The following CRYBG3 variants were observed in gnomAD, a reference collection of about 807,000 sequenced individuals.
CRYBG3 encodes the protein very large A-kinase anchor protein.
A neutral mutation model predicts 244.2 loss-of-function variants in CRYBG3; 127 were observed. The ratio of observed to expected loss-of-function variants is 0.52; its 90% CI spans 0.45 to 0.60. The LOEUF (loss-of-function observed/expected upper bound fraction) is 0.60, where lower values mean the gene tolerates loss of function less well. Among genes scored for constraint, CRYBG3 ranks in the 20% least tolerant of loss-of-function variants. The pLI, the probability that CRYBG3 is intolerant of heterozygous loss-of-function variation, is 0.00. For missense variants in CRYBG3, 3,325 were observed against 3,442.5 expected (o/e 0.97, Z 0.85); for synonymous variants, 1,132 against 1,195.8 (o/e 0.95, Z 1.10).
At chr3:97,907,667 A>G (rs973054418) in intron 15 of CRYBG3, among the ~76,000 whole-genome samples, 1 of 150,128 alleles carries the variant, frequency 6.7e-6, no homozygotes, top group South Asian at 2.1e-4. Context: ...CTAGCGGTCT[A>G]TCAATTTTGT....
At chr3:97,922,642 C>G (rs1431068355) in intron 17 of CRYBG3, among the ~76,000 whole-genome samples, 1 of 152,120 alleles carries the variant, frequency 6.6e-6, no homozygotes, top group Non-Finnish European at 1.5e-5. Context: ...AGTGAGATAC[C>G]ATCTCACACC....
chr3:97,904,602 A>C (rs546115214), intron 15 of CRYBG3, among the ~76,000 whole-genome samples: 4 of 152,154 alleles, frequency 2.6e-5, no homozygotes, highest in South Asian at 2.1e-4. Flanking sequence ...ACTAATAAAC[A>C]AACTGGGAAT....
chr3:97,882,086 G>A (rs1023523496), intron 7 of CRYBG3, among the ~76,000 whole-genome samples: 26 of 151,976 alleles, frequency 1.7e-4, no homozygotes, highest in African/African-American at 6.0e-4. Flanking sequence ...GTGGGCAGCT[G>A]TAATCCCAGC....
intron 2 of CRYBG3, among the ~76,000 whole-genome samples, chr3:97,846,703 G>A (rs146295005): frequency 7.2e-4 from 110 of 152,226 alleles, no homozygotes; most frequent in African/African-American, 2.5e-3. Context: ...GCCTTAAGTG[G>A]TTCCTAGTGT....
Position 97,873,146 on chromosome 3 carries a change from A to T in CRYBG3, c.1952A>T (p.Asn651Ile), listed in dbSNP as rs180695872. 6.5e-7 allele frequency: 1 copy of T among 1,535,646 alleles called. No individual in the cohort carries two copies. The highest frequency in any genetic ancestry group is 1.4e-5 in the African/African-American group (1 of 73,032). Residue 651 changes from asparagine (N) to isoleucine (I), a missense_variant, in exon 4 of 22, where the codon AAT (asparagine) becomes ATT (isoleucine). Around this residue, in one of 4 missense-constraint regions of CRYBG3, gnomAD observed 1,526 missense variants for 1,443.2 expected, o/e 1.06. Transcript: ENST00000389622. The part of the protein sequence containing the change: ...TSLSLDCKKL[N>I]FSISPPTFVS... ...CTTAGCCTTGACTGTAAAAAACTAA[A>T]TTTCAGTATTTCACCTCCTACCTTT...
chr3:97,822,377 G>T (rs1301593721), intron 1 of CRYBG3, 22 bp downstream of exon 1: 2 of 1,489,002 alleles, frequency 1.3e-6, no homozygotes, highest in African/African-American at 2.8e-5. Flanking sequence ...GGAGGGGGTC[G>T]CGGGGGGGCC....
At chr3:97,900,406 C>CAACT (rs5851085) in intron 14 of CRYBG3, 47 bp from the exon 15 acceptor site, 1 of 1,294,076 alleles carries the variant, frequency 7.7e-7, no homozygotes, top group Non-Finnish European at 1.1e-6. Flanking sequence ...TTCAAAAAGA[C>CAACT]AGATTATGTG....
intron 1 of CRYBG3, among the ~76,000 whole-genome samples, chr3:97,835,074 A>T (rs1417247881): frequency 6.6e-6 from 1 of 152,060 alleles, no homozygotes; most frequent in Admixed American, 6.6e-5. Context: ...TGGAACTTGA[A>T]TTTTTTTCAC....
In CRYBG3 at chr3:97,874,271, C is replaced by G. The variant is rs2039343516; in HGVS notation, c.3077C>G (p.Ser1026Ter). 1 of 1,534,910 alleles carries G rather than the reference C, an allele frequency of 6.5e-7. No individual in the cohort carries two copies. Among genetic ancestry groups the G allele is most frequent in the Non-Finnish European group, 8.7e-7 (1 of 1,146,620 alleles). The change falls in exon 4 of 22, where the codon TCA (serine) becomes TGA (stop). Residue 1026 changes from serine to a stop codon, truncating the protein, a stop_gained. Transcript: ENST00000389622. LOFTEE classifies it high-confidence loss of function. ...AAAAATTCTTCTGCATCTGAGGACT[C>G]AAGCTTCCTTAAAGTACCTTCTGTG... is the stretch of plus-strand genomic sequence containing the variant. ...LEKNSSASED[S>*]SFLKVPSVLK...
chr3:97,824,956 G>A (rs2038559069), intron 1 of CRYBG3, among the ~76,000 whole-genome samples: 1 of 152,158 alleles, frequency 6.6e-6, no homozygotes, highest in Admixed American at 6.5e-5. Context: ...GTGCTTCCTG[G>A]TAGGGATGAT....
intron 1 of CRYBG3, among the ~76,000 whole-genome samples, chr3:97,835,407 G>A (rs1299308960): frequency 1.3e-5 from 2 of 152,054 alleles, no homozygotes; most frequent in Non-Finnish European, 2.9e-5. Context: ...ATGATATCCG[G>A]GAGTTGGGCA....
chr3:97,924,248 C>A, intron 17 of CRYBG3: 2 of 322,766 alleles, frequency 6.2e-6, no homozygotes, highest in Non-Finnish European at 5.9e-6. Flanking sequence ...AGTTAGAATC[C>A]TACTTTACTC....
chr3:97,942,409 T>G lies in CRYBG3; in HGVS notation c.8790T>G (p.Ser2930=). 6.2e-7 allele frequency: 1 copy of G among 1,611,532 alleles called. No individual in the cohort carries two copies. Among genetic ancestry groups the G allele is most frequent in the Non-Finnish European group, 8.5e-7 (1 of 1,178,310 alleles). ...WRLNKNGTIS[S]YLSDQLVLDV... is the part of the protein sequence containing the mutation. ...TGAATAAAAATGGAACTATCAGCTC[T>G]TATCTCAGTGATCAACTTGTCCTTG... Residue 2930 remains serine, a synonymous_variant, in exon 21 of 22, where the codon TCT becomes TCG. Coordinates refer to ENST00000389622, the MANE Select transcript of CRYBG3 (RefSeq NM_153605.4).
At chr3:97,843,577 C>T (rs1247274234) in intron 2 of CRYBG3, among the ~76,000 whole-genome samples, 1 of 152,118 alleles carries the variant, frequency 6.6e-6, no homozygotes, top group Non-Finnish European at 1.5e-5. Flanking sequence ...CACATGACCT[C>T]CATGGTCTCT....
At chr3:97,907,516 T>G (rs556111991) in intron 15 of CRYBG3, among the ~76,000 whole-genome samples, 2 of 150,448 alleles carry the variant, frequency 1.3e-5, no homozygotes, top group Admixed American at 1.3e-4. Flanking sequence ...TCTTCTAGAT[T>G]TTCTAGTTTA....
At chr3:97,843,350 T>G (rs993043184) in intron 2 of CRYBG3, 89 bp downstream of exon 2, 2 of 760,232 alleles carry the variant, frequency 2.6e-6, no homozygotes, top group African/African-American at 3.5e-5. Flanking sequence ...TATTTTACAT[T>G]TCAAAAAGAA....
Position 97,873,670 on chromosome 3 carries a change from G to C in CRYBG3, c.2476G>C (p.Val826Leu). ...AEIDGQNNVL[V>L]ESHSGRGKTI... The stretch of plus-strand genomic sequence containing the variant: ...AATTGATGGTCAGAACAATGTTCTT[G>C]TGGAGTCACATTCTGGAAGAGGAAA... Residue 826 changes from valine (V) to leucine (L), a missense_variant, in exon 4 of 22, where the codon GTG (valine) becomes CTG (leucine). Val to Leu is a conservative substitution (Grantham distance 32). Transcript: ENST00000389622. 1 of 1,535,696 alleles carries C rather than the reference G, an allele frequency of 6.5e-7. No individual in the cohort carries two copies.
chr3:97,834,382 C>T (rs1331263195), intron 1 of CRYBG3, among the ~76,000 whole-genome samples: 1 of 151,998 alleles, frequency 6.6e-6, no homozygotes, highest in East Asian at 1.9e-4. Flanking sequence ...GGTGGTCTCA[C>T]CAATATTTGT....
chr3:97,869,201 T>C (rs998487263), intron 3 of CRYBG3, among the ~76,000 whole-genome samples: 1 of 152,202 alleles, frequency 6.6e-6, no homozygotes, highest in Non-Finnish European at 1.5e-5. Context: ...TGTTTTGTTT[T>C]ATTTTTATAT....
Sources: gnomAD v4.1 joint callset for allele counts (sites outside exome capture counted in the v4.1 genomes callset) on GRCh38, gnomAD v4.1.1 for gene constraint, gnomAD v4.1.1 regional missense constraint, MANE v1.5 for transcripts, NCBI Gene and HGNC (gene_info 2026-07-23, HGNC 2026-07-21) for gene names.